The following SFTPA1 variants were observed in gnomAD, a reference collection of about 807,000 sequenced individuals.
SFTPA1 encodes the protein pulmonary surfactant-associated protein A1.
Under a neutral mutation model 19.1 loss-of-function variants are expected in SFTPA1, and 13 were observed. The observed-to-expected ratio is 0.68, with a 90% CI of 0.44 to 1.08. SFTPA1 has a LOEUF of 1.08. SFTPA1 is among the 50% of genes least tolerant of loss of function. The probability of loss-of-function intolerance (pLI) is 0.00; values close to 1 mark genes in which losing one functional copy is unlikely to be tolerated. For missense variants in SFTPA1, 259 were observed against 316.4 expected (o/e 0.82, Z 1.38); for synonymous variants, 101 against 117.0 (o/e 0.86, Z 0.88).
In SFTPA1 at chr10:79,614,212, C is replaced by T; in HGVS notation, c.*99C>T. 1 of 1,598,886 alleles carries T rather than the reference C, an allele frequency of 6.3e-7. No individual in the cohort carries two copies. Among genetic ancestry groups the T allele is most frequent in the East Asian group, 2.2e-5 (1 of 44,656 alleles). On this transcript the variant is annotated 3_prime_UTR_variant, in exon 6 of 6. Transcript: ENST00000398636. ...GTGAGATGCTAGAACTCCCTTTCAA[C>T]AGAATTCACTTGTGGCTATTGGGAC... is the stretch of plus-strand genomic sequence containing the variant.
In SFTPA1 at chr10:79,612,387, G is replaced by C. The variant is rs762122985; in HGVS notation, c.248G>C (p.Gly83Ala). 134 of 1,613,820 alleles carry C rather than the reference G, an allele frequency of 8.3e-5. 3 individuals carry two copies. In the South Asian group the frequency reaches 1.2e-3, roughly 14 times the overall value. ...CTGCCTGGAGCCCCTGGTATCCCTG[G>C]AGAGTGTGGAGAGAAGGGGGAGCCT... ...DGLPGAPGIP[G>A]ECGEKGEPGE... The change falls in exon 4 of 6, where the codon GGA (glycine) becomes GCA (alanine). Residue 83 changes from glycine (G) to alanine (A), a missense_variant. Coordinates refer to ENST00000398636, the MANE Select transcript of SFTPA1 (RefSeq NM_005411.5).
rs1167631085 is a variant in SFTPA1 at position 79,614,802 on chromosome 10, G to A, written c.*689G>A. The A allele has an allele frequency of 2.6e-6, 1 of 384,666 alleles. No homozygotes were observed. Among genetic ancestry groups the A allele is most frequent in the African/African-American group, 2.1e-5 (1 of 46,934 alleles). The allele number at this position is 384,666 out of a possible 1,614,324, so 23.8% of individuals were successfully genotyped here. ...TGAAGACAGCCAGCCTAGGCCTCTAGGGTGACCTAGAGCCGCCTTCAGATG... is the reference window on the plus strand; with the variant it reads ...TGAAGACAGCCAGCCTAGGCCTCTAAGGTGACCTAGAGCCGCCTTCAGATG... On this transcript the variant is annotated 3_prime_UTR_variant, in exon 6 of 6. Transcript: ENST00000398636.
intron 5 of SFTPA1, 118 bp downstream of exon 5, chr10:79,613,384 A>G: frequency 2.0e-6 from 3 of 1,488,502 alleles, no homozygotes; most frequent in Non-Finnish European, 2.8e-6. Context: ...GGTCTTGGGG[A>G]AAGGAATGAC....
chr10:79,613,687 G>T (rs950989930), intron 5 of SFTPA1, 50 bp from the exon 6 acceptor site: 3 of 1,613,810 alleles, frequency 1.9e-6, no homozygotes, highest in Admixed American at 1.7e-5. Flanking sequence ...GAGGGAGGTG[G>T]CTTAGAGACA....
chr10:79,614,280 C>G lies in SFTPA1; in HGVS notation c.*167C>G. The stretch of plus-strand genomic sequence containing the variant: ...ACTTCATTCCTCTGATGGGCCCTGA[C>G]TCTTCCCCATAATCACTGACCAGCC... On this transcript the variant is annotated 3_prime_UTR_variant, in exon 6 of 6. Transcript: ENST00000398636. 9.2e-7 allele frequency: 1 copy of G among 1,091,370 alleles called. No homozygotes were observed. Among genetic ancestry groups the G allele is most frequent in the South Asian group, 1.6e-5 (1 of 63,116 alleles). The allele number at this position is 1,091,370 out of a possible 1,614,324, so 67.6% of individuals were successfully genotyped here. A position where few individuals can be genotyped will look rare whatever the true frequency, so the allele number is the denominator to read the frequency against.
In SFTPA1 at chr10:79,611,875, G is replaced by T. The variant is rs201467030; in HGVS notation, c.50G>T (p.Gly17Val). Reference protein sequence around the residue: ...ALNLILMAASGAVCEVKDVCV... With the variant: ...ALNLILMAASVAVCEVKDVCV... ...AACCTCATCTTGATGGCAGCCTCTG[G>T]TGCTGTGTGCGAAGTGAAGGACGTT... Residue 17 changes from glycine to valine, a missense_variant, in exon 3 of 6, where the codon GGT becomes GTT. Coordinates refer to ENST00000398636, the MANE Select transcript of SFTPA1 (RefSeq NM_005411.5). 6.2e-7 allele frequency: 1 copy of T among 1,613,902 alleles called. No homozygotes were observed.
In SFTPA1 at chr10:79,612,386, G is replaced by A; in HGVS notation, c.247G>A (p.Gly83Arg). 1 of 1,613,918 alleles carries A rather than the reference G, an allele frequency of 6.2e-7. No homozygotes were observed. The highest frequency in any genetic ancestry group is 8.5e-7 in the Non-Finnish European group (1 of 1,179,902). Residue 83 changes from glycine to arginine, a missense_variant, in exon 4 of 6, where the codon GGA becomes AGA. Coordinates refer to ENST00000398636, the MANE Select transcript of SFTPA1 (RefSeq NM_005411.5). ...GCTGCCTGGAGCCCCTGGTATCCCT[G>A]GAGAGTGTGGAGAGAAGGGGGAGCC... ...DGLPGAPGIPGECGEKGEPGE... is the reference protein window; with the variant it reads ...DGLPGAPGIPRECGEKGEPGE...
rs148741681 is a variant in SFTPA1, at chr10:79,611,921, C to T, written c.96C>T (p.Ile32=). Residue 32 remains isoleucine (I), a synonymous_variant, in exon 3 of 6, where the codon ATC becomes ATT. Transcript: ENST00000398636. ...VKDVCVGSPG[I]PGTPGSHGLP... ...ACGTTTGTGTTGGAAGCCCTGGTAT[C>T]CCCGGCACTCCTGGATCCCACGGCC... 10 of 1,613,810 alleles carry T rather than the reference C, an allele frequency of 6.2e-6. No homozygotes were observed. Among genetic ancestry groups the T allele is most frequent in the Non-Finnish European group, 8.5e-6 (10 of 1,179,856 alleles).
intron 4 of SFTPA1, among the ~76,000 whole-genome samples, chr10:79,612,938 G>C (rs1196406992): frequency 1.8e-4 from 27 of 151,988 alleles, no homozygotes; most frequent in Middle Eastern, 3.4e-3. Context: ...AGAACCCCTC[G>C]AGGGACAGAG....
At chr10:79,612,247 G>A in intron 3 of SFTPA1, 65 bp from the exon 4 acceptor site, 1 of 1,613,410 alleles carries the variant, frequency 6.2e-7, no homozygotes, top group East Asian at 2.2e-5. Context: ...TGGGCATCGA[G>A]TCTCACTAGC....
Position 79,615,323 on chromosome 10 carries a change from G to T in SFTPA1, c.*1210G>T, listed in dbSNP as rs1398048866. 1.1e-5 allele frequency: 3 copies of T among 280,770 alleles called. No individual in the cohort carries two copies. The highest frequency in any genetic ancestry group is 2.2e-5 in the Non-Finnish European group (3 of 138,852). The allele number at this position is 280,770 out of a possible 1,614,324, so 17.4% of individuals were successfully genotyped here. A position where few individuals can be genotyped will look rare whatever the true frequency, so the allele number is the denominator to read the frequency against. On this transcript the variant is annotated 3_prime_UTR_variant, in exon 6 of 6. Coordinates refer to ENST00000398636, the MANE Select transcript of SFTPA1 (RefSeq NM_005411.5). ...AATGTTTTGAGTATTATTCCAGAGA[G>T]CAAGTGGCAGAGGCTGGATCCAAAC...
Position 79,611,359 on chromosome 10 carries a change from A to T in SFTPA1, c.-54A>T. 2.1e-6 allele frequency: 1 copy of T among 479,918 alleles called. No homozygotes were observed. The highest frequency in any genetic ancestry group is 3.7e-6 in the Non-Finnish European group (1 of 270,752). The allele number at this position is 479,918 out of a possible 1,614,324, so 29.7% of individuals were successfully genotyped here. On this transcript the variant is annotated 5_prime_UTR_variant, in exon 2 of 6. Coordinates refer to ENST00000398636, the MANE Select transcript of SFTPA1 (RefSeq NM_005411.5). ...GAGCCTGAAAAGAAAGTAACACAGC[A>T]GGGATGAGGACAGATGGTGTGAGTC...
At position 79,615,073 on chromosome 10, in the gene SFTPA1, G is replaced by C; in HGVS notation, c.*960G>C. The C allele has an allele frequency of 7.7e-7, 1 of 1,305,212 alleles. No homozygotes were observed. 80.9% of individuals were successfully genotyped at this position (1,305,212 alleles called of 1,614,324 possible). On this transcript the variant is annotated 3_prime_UTR_variant, in exon 6 of 6. Transcript: ENST00000398636. ...GTCTTCATCTGTGAAATGGGAATAA[G>C]ATACTTGTTGCTGTCACAGTTATTA...
chr10:79,614,017 A>C lies in SFTPA1; in HGVS notation c.651A>C (p.Ala217=). The C allele has an allele frequency of 6.2e-7, 1 of 1,614,236 alleles. No homozygotes were observed. The highest frequency in any genetic ancestry group is 1.1e-5 in the South Asian group (1 of 91,080). ...NYTNWYRGEP[A]GRGKEQCVEM... is the part of the protein sequence containing the mutation. Reference sequence around the variant, plus strand: ...CCAACTGGTACCGAGGGGAGCCCGCAGGTCGGGGAAAAGAGCAGTGTGTGG... The same window carrying C: ...CCAACTGGTACCGAGGGGAGCCCGCCGGTCGGGGAAAAGAGCAGTGTGTGG... The change falls in exon 6 of 6, where the codon GCA becomes GCC. Residue 217 remains alanine (A), a synonymous_variant. Coordinates refer to ENST00000398636, the MANE Select transcript of SFTPA1 (RefSeq NM_005411.5).
chr10:79,613,235 C>A lies in SFTPA1; in HGVS notation c.339C>A (p.Asp113Glu). The part of the protein sequence containing the change: ...LDEELQATLH[D>E]FRHQILQTRG... ...AGGAGCTCCAAGCCACACTCCACGA[C>A]TTTAGACATCAAATCCTGCAGACAA... The change falls in exon 5 of 6, where the codon GAC becomes GAA. Residue 113 changes from aspartate to glutamate, a missense_variant. Asp to Glu is a conservative substitution (Grantham distance 45). Transcript: ENST00000398636. The A allele has an allele frequency of 6.2e-7, 1 of 1,614,070 alleles. No homozygotes were observed. The highest frequency in any genetic ancestry group is 1.7e-5 in the Admixed American group (1 of 60,022).
In SFTPA1 at chr10:79,614,260, A is replaced by G. The variant is rs2132142240; in HGVS notation, c.*147A>G. The G allele has an allele frequency of 3.1e-6, 4 of 1,293,544 alleles. No individual in the cohort carries two copies. In the East Asian group the frequency reaches 9.9e-5, roughly 32 times the overall value. The allele number at this position is 1,293,544 out of a possible 1,614,324, so 80.1% of individuals were successfully genotyped here. A position where few individuals can be genotyped will look rare whatever the true frequency, so the allele number is the denominator to read the frequency against. On this transcript the variant is annotated 3_prime_UTR_variant, in exon 6 of 6. Coordinates refer to ENST00000398636, the MANE Select transcript of SFTPA1 (RefSeq NM_005411.5). The stretch of plus-strand genomic sequence containing the variant: ...GACTGGAGGCACCCTTAGCCACTTC[A>G]TTCCTCTGATGGGCCCTGACTCTTC...
chr10:79,612,876 G>A (rs753941773), intron 4 of SFTPA1, among the ~76,000 whole-genome samples: 13 of 146,322 alleles, frequency 8.9e-5, no homozygotes, highest in Non-Finnish European at 1.7e-4. Flanking sequence ...CATCATGCTT[G>A]CCCTTGGTGG....
chr10:79,613,208 T>G lies in SFTPA1; in HGVS notation c.312T>G (p.Asp104Glu). The change falls in exon 5 of 6, where the codon GAT (aspartate) becomes GAG (glutamate). Residue 104 changes from aspartate to glutamate, a missense_variant. By Grantham distance (45) the Asp-to-Glu change is conservative. Coordinates refer to ENST00000398636, the MANE Select transcript of SFTPA1 (RefSeq NM_005411.5). ...RGPPGLPAHL[D>E]EELQATLHDF... ...CCACAGGGCTTCCAGCTCATCTAGA[T>G]GAGGAGCTCCAAGCCACACTCCACG... The G allele has an allele frequency of 3.7e-6, 6 of 1,613,788 alleles. No individual in the cohort carries two copies. Among genetic ancestry groups the G allele is most frequent in the Non-Finnish European group, 5.1e-6 (6 of 1,179,938 alleles).
intron 5 of SFTPA1, 82 bp downstream of exon 5, chr10:79,613,348 A>G: frequency 6.3e-7 from 1 of 1,598,144 alleles, no homozygotes. Context: ...TAGAACATAG[A>G]GATTACAAAT....
Sources: gnomAD v4.1 joint callset for allele counts (sites outside exome capture counted in the v4.1 genomes callset) on GRCh38, gnomAD v4.1.1 for gene constraint, MANE v1.5 for transcripts, NCBI Gene and HGNC (gene_info 2026-07-23, HGNC 2026-07-21) for gene names.